SEMA6D: variants seen among roughly 807,000 people sequenced by gnomAD.
SEMA6D encodes semaphorin 6D.
Under a neutral mutation model 106.6 loss-of-function variants are expected in SEMA6D, and 35 were observed. The ratio of observed to expected loss-of-function variants is 0.33; its 90% CI spans 0.25 to 0.44. The LOEUF (loss-of-function observed/expected upper bound fraction) is 0.44, where lower values mean the gene tolerates loss of function less well. SEMA6D is among the 20% of genes least tolerant of loss of function. The probability of loss-of-function intolerance (pLI) is 1.00; values close to 1 mark genes in which losing one functional copy is unlikely to be tolerated. For missense variants in SEMA6D, 1,185 were observed against 1,345.9 expected (o/e 0.88, Z 1.87); for synonymous variants, 499 against 487.7 (o/e 1.02, Z -0.31).
intron 1 of SEMA6D, among the ~76,000 whole-genome samples, chr15:47,269,538 C>G (rs1211366437): frequency 1.3e-5 from 2 of 151,988 alleles, no homozygotes; most frequent in East Asian, 3.8e-4. Context: ...GCTATTTTTA[C>G]TTTTATCTTT....
intron 1 of SEMA6D, among the ~76,000 whole-genome samples, chr15:47,278,675 T>C (rs2034955617): frequency 6.6e-6 from 1 of 151,964 alleles, no homozygotes; most frequent in African/African-American, 2.4e-5. Context: ...GTTTTAGACA[T>C]GAAGTCCTTG....
intron 1 of SEMA6D, among the ~76,000 whole-genome samples, chr15:47,215,513 CAT>C (rs1207215610): frequency 2.0e-5 from 3 of 151,936 alleles, no homozygotes; most frequent in African/African-American, 7.3e-5. Context: ...GAATTTAGCT[CAT>C]ATATATTTAC....
chr15:47,593,512 C>T (rs1254501707), intron 3 of SEMA6D, among the ~76,000 whole-genome samples: 1 of 148,252 alleles, frequency 6.7e-6, no homozygotes, highest in Non-Finnish European at 1.5e-5. Context: ...TGGGTTTGGA[C>T]GATTGCCTGA....
In SEMA6D at chr15:47,507,180, T is replaced by A. The variant is rs151014183; in HGVS notation, c.-87+36635T>A. ...ACTGAGTCCACCATATTTGGCCCAA[T>A]GATGAGAAAACTAAATAGGGAAATA... On this transcript the variant is annotated intron_variant, in intron 3 of 19. Transcript: ENST00000558014. 2.2e-3 allele frequency among the ~76,000 whole-genome samples: 332 copies of A among 152,200 alleles called. 1 individual carries two copies. The highest frequency in any genetic ancestry group is 7.8e-3 in the African/African-American group (323 of 41,520).
chr15:47,408,888 G>A (rs1373233467), intron 1 of SEMA6D, among the ~76,000 whole-genome samples: 4 of 152,218 alleles, frequency 2.6e-5, no homozygotes, highest in African/African-American at 9.6e-5. Context: ...ACAGGCAGGA[G>A]TGCAGCAGAG....
At chr15:47,522,651 C>T (rs2141955761) in intron 3 of SEMA6D, among the ~76,000 whole-genome samples, 1 of 152,298 alleles carries the variant, frequency 6.6e-6, no homozygotes, top group East Asian at 1.9e-4. Flanking sequence ...ATGGAGTCCG[C>T]CCACTATACT....
chr15:47,662,713 G>T (rs1183291794), intron 4 of SEMA6D, among the ~76,000 whole-genome samples: 1 of 152,076 alleles, frequency 6.6e-6, no homozygotes, highest in African/African-American at 2.4e-5. Context: ...ATATATTTTG[G>T]ATACCACTCT....
intron 1 of SEMA6D, chr15:47,338,932 A>G (rs1342527718): frequency 2.0e-5 from 3 of 152,222 alleles, no homozygotes; most frequent in Non-Finnish European, 2.9e-5. Flanking sequence ...AGAGGAAGGA[A>G]TGCTACATAG....
At chr15:47,756,421 C>T (rs959282785) in intron 1 of SEMA6D, among the ~76,000 whole-genome samples, 12 of 152,130 alleles carry the variant, frequency 7.9e-5, no homozygotes, top group South Asian at 2.1e-4. Context: ...AGATTTACTG[C>T]GGAGCAGGCT....
At chr15:47,250,347 AGAGAGG>A (rs1354306323) in intron 1 of SEMA6D, among the ~76,000 whole-genome samples, 1 of 151,750 alleles carries the variant, frequency 6.6e-6, no homozygotes, top group African/African-American at 2.4e-5. Context: ...AGAGAGAGAA[AGAGAGG>A]GAGAGGGAGA....
At chr15:47,460,709 A>T (rs148742478) in intron 2 of SEMA6D, among the ~76,000 whole-genome samples, 1 of 152,220 alleles carries the variant, frequency 6.6e-6, no homozygotes, top group Non-Finnish European at 1.5e-5. Flanking sequence ...AAAATTTCCT[A>T]ATTTTTATTT....
chr15:47,275,854 G>A (rs1595606060), intron 1 of SEMA6D, among the ~76,000 whole-genome samples: 2 of 152,122 alleles, frequency 1.3e-5, no homozygotes, highest in Admixed American at 6.6e-5. Context: ...CAGGCCGAAA[G>A]CAAGGCCTCT....
At chr15:47,352,776 C>T (rs1231155741) in intron 1 of SEMA6D, among the ~76,000 whole-genome samples, 1 of 152,226 alleles carries the variant, frequency 6.6e-6, no homozygotes, top group South Asian at 2.1e-4. Flanking sequence ...TACTGCAAGA[C>T]TTTTTGAACA....
At chr15:47,384,685 C>T (rs548705144) in intron 1 of SEMA6D, among the ~76,000 whole-genome samples, 7 of 152,254 alleles carry the variant, frequency 4.6e-5, no homozygotes, top group Admixed American at 1.3e-4. Context: ...TTATTTTTTG[C>T]TCTTGAATAA....
At chr15:47,276,626 G>A (rs1215949984) in intron 1 of SEMA6D, among the ~76,000 whole-genome samples, 3 of 152,108 alleles carry the variant, frequency 2.0e-5, no homozygotes, top group African/African-American at 7.2e-5. Context: ...CAGAAAAAAA[G>A]ATTCACTTCA....
rs768200172 is a variant in SEMA6D at position 47,771,149 on chromosome 15, G to C, written c.2586G>C (p.Lys862Asn). 3 of 1,613,900 alleles carry C rather than the reference G, an allele frequency of 1.9e-6. No individual in the cohort carries two copies. The African/African-American group carries it at 4.0e-5, about 22-fold the overall frequency. Reference protein sequence around the residue: ...KLQNIDHPLTKSSSKRDHRRS... With the variant: ...KLQNIDHPLTNSSSKRDHRRS... ...AAAACATTGATCACCCTCTCACAAA[G>C]TCATCCAGTAAGAGAGATCACCGGC... The change falls in exon 19 of 19, where the codon AAG becomes AAC. Residue 862 changes from lysine to asparagine, a missense_variant. By Grantham distance (94) the Lys-to-Asn change is moderately conservative (BLOSUM62 0). Coordinates refer to ENST00000536845, the MANE Select transcript of SEMA6D (RefSeq NM_001358351.3).
chr15:47,415,711 A>G (rs1281446748), intron 2 of SEMA6D, among the ~76,000 whole-genome samples: 1 of 152,166 alleles, frequency 6.6e-6, no homozygotes, highest in East Asian at 1.9e-4. Flanking sequence ...CAAATGTTGT[A>G]GACAATCAAT....
chr15:47,366,644 G>A (rs545031693), intron 1 of SEMA6D, among the ~76,000 whole-genome samples: 2 of 152,166 alleles, frequency 1.3e-5, no homozygotes, highest in African/African-American at 4.8e-5. Flanking sequence ...GGTCTTGAGG[G>A]ATGAGTTGAT....
At chr15:47,697,965 C>T (rs564834199) in intron 4 of SEMA6D, among the ~76,000 whole-genome samples, 68 of 152,310 alleles carry the variant, frequency 4.5e-4, no homozygotes, top group African/African-American at 1.6e-3. Flanking sequence ...GCCAACTGCT[C>T]TGGGTCGCAG....
Sources: allele counts gnomAD v4.1 joint callset (sites outside exome capture counted in the v4.1 genomes callset), GRCh38; gene constraint gnomAD v4.1.1; transcripts MANE v1.5; gene names NCBI Gene and HGNC (gene_info 2026-07-23, HGNC 2026-07-21).